The following DOK6 variants were observed in gnomAD, a reference collection of about 807,000 sequenced individuals.
DOK6 encodes the protein downstream of tyrosine kinase 6.
DOK6 carries 22 observed loss-of-function variants against 44.0 expected under a neutral mutation model. The observed-to-expected ratio is 0.50, with a 90% CI of 0.36 to 0.71. The LOEUF is 0.71. Among genes scored for constraint, DOK6 ranks in the 30% least tolerant of loss-of-function variants. The probability of loss-of-function intolerance (pLI) is 0.00; values close to 1 mark genes in which losing one functional copy is unlikely to be tolerated. For synonymous variants in DOK6, 166 were observed against 145.5 expected (o/e 1.14, Z -1.01); for missense variants, 340 against 416.4 (o/e 0.82, Z 1.60).
chr18:69,565,425 C>T (rs1982945632), intron 2 of DOK6, among the ~76,000 whole-genome samples: 1 of 151,124 alleles, frequency 6.6e-6, no homozygotes, highest in East Asian at 1.9e-4. Context: ...AACTAGTAAT[C>T]ATTTAAAATT....
chr18:69,840,898 T>A (rs1228240239), intron 7 of DOK6, among the ~76,000 whole-genome samples: 2 of 152,216 alleles, frequency 1.3e-5, no homozygotes, highest in African/African-American at 4.8e-5. Context: ...AACAGCTTTT[T>A]CTGGGGAAAA....
chr18:69,508,666 G>A (rs941700829), intron 1 of DOK6, among the ~76,000 whole-genome samples: 1 of 152,178 alleles, frequency 6.6e-6, no homozygotes, highest in Non-Finnish European at 1.5e-5. Flanking sequence ...ATTAAAATTG[G>A]CGTGATGGGT....
chr18:69,601,633 C>T (rs2144623559), intron 3 of DOK6, among the ~76,000 whole-genome samples: 1 of 152,310 alleles, frequency 6.6e-6, no homozygotes, highest in African/African-American at 2.4e-5. Flanking sequence ...GCAAACAAAA[C>T]ATTCTCCCTG....
intron 1 of DOK6, among the ~76,000 whole-genome samples, chr18:69,522,184 A>G (rs900908136): frequency 6.6e-6 from 1 of 151,834 alleles, no homozygotes; most frequent in African/African-American, 2.4e-5. Flanking sequence ...ATTTACTAAC[A>G]GTATATTGTT....
At chr18:69,472,245 C>T (rs1980133509) in intron 1 of DOK6, among the ~76,000 whole-genome samples, 3 of 152,178 alleles carry the variant, frequency 2.0e-5, no homozygotes, top group Non-Finnish European at 4.4e-5. Context: ...GGCCTACTAA[C>T]GTATTCAGGC....
At chr18:69,603,409 T>C (rs1367450549) in intron 3 of DOK6, among the ~76,000 whole-genome samples, 2 of 152,162 alleles carry the variant, frequency 1.3e-5, no homozygotes, top group African/African-American at 4.8e-5. Flanking sequence ...GTAAAACCTA[T>C]ACCAGAATCT....
chr18:69,798,877 A>G (rs765550173), intron 7 of DOK6, among the ~76,000 whole-genome samples: 1 of 152,014 alleles, frequency 6.6e-6, no homozygotes, highest in Non-Finnish European at 1.5e-5. Flanking sequence ...TTCATAGCAG[A>G]GAGGACGGTT....
chr18:69,417,948 G>T (rs982324802), intron 1 of DOK6, among the ~76,000 whole-genome samples: 2 of 152,066 alleles, frequency 1.3e-5, no homozygotes, highest in Non-Finnish European at 2.9e-5. Flanking sequence ...TATGTATCCC[G>T]TTTATTAACC....
chr18:69,775,374 G>A (rs954369952), intron 7 of DOK6, among the ~76,000 whole-genome samples: 4 of 151,898 alleles, frequency 2.6e-5, no homozygotes, highest in African/African-American at 9.7e-5. Flanking sequence ...AACAGTGATG[G>A]TAATAAAGAG....
At chr18:69,730,285 C>G (rs933499081) in intron 5 of DOK6, among the ~76,000 whole-genome samples, 6 of 152,162 alleles carry the variant, frequency 3.9e-5, no homozygotes, top group Non-Finnish European at 5.9e-5. Context: ...TCCTCCCTAT[C>G]TACTTGTATT....
intron 7 of DOK6, among the ~76,000 whole-genome samples, chr18:69,813,570 T>C (rs1981307581): frequency 6.6e-6 from 1 of 152,096 alleles, no homozygotes. Flanking sequence ...GGCATTTTCT[T>C]TAGGTGGAAA....
At chr18:69,483,773 T>G (rs979434717) in intron 1 of DOK6, 3 of 152,124 alleles carry the variant, frequency 2.0e-5, no homozygotes, top group Non-Finnish European at 4.4e-5. Context: ...ATGCAGGCTT[T>G]CCTCATGCTT....
intron 6 of DOK6, among the ~76,000 whole-genome samples, chr18:69,752,248 G>A (rs190928485): frequency 5.1e-4 from 77 of 152,062 alleles, no homozygotes; most frequent in Admixed American, 3.1e-3. Context: ...TTATAAAAAT[G>A]TATTTTTTTA....
intron 5 of DOK6, among the ~76,000 whole-genome samples, chr18:69,703,858 T>C (rs141206592): frequency 2.0e-5 from 3 of 152,304 alleles, no homozygotes; most frequent in Non-Finnish European, 4.4e-5. Flanking sequence ...AGGTCCTTTA[T>C]AGATGGAATT....
intron 7 of DOK6, among the ~76,000 whole-genome samples, chr18:69,765,194 T>C (rs1979680744): frequency 6.6e-6 from 1 of 152,250 alleles, no homozygotes; most frequent in African/African-American, 2.4e-5. Context: ...GATTTTCTAT[T>C]TTGTTTTTCA....
At chr18:69,707,605 T>G (rs1281332058) in intron 5 of DOK6, among the ~76,000 whole-genome samples, 1 of 152,220 alleles carries the variant, frequency 6.6e-6, no homozygotes, top group Admixed American at 6.5e-5. Context: ...CCGTGGTTTA[T>G]GCAACTGGAA....
At chr18:69,459,331 TG>T (rs1445261227) in intron 1 of DOK6, among the ~76,000 whole-genome samples, 1 of 152,038 alleles carries the variant, frequency 6.6e-6, no homozygotes, top group East Asian at 1.9e-4. Flanking sequence ...CATACATTTC[TG>T]TTAATATTAT....
intron 3 of DOK6, among the ~76,000 whole-genome samples, chr18:69,649,849 A>G (rs1985177165): frequency 6.6e-6 from 1 of 152,218 alleles, no homozygotes; most frequent in Admixed American, 6.5e-5. Context: ...ATAAGATTGC[A>G]TAATTATTGA....
At chr18:69,436,863 G>T (rs1978995177) in intron 1 of DOK6, among the ~76,000 whole-genome samples, 2 of 152,186 alleles carry the variant, frequency 1.3e-5, no homozygotes, top group African/African-American at 4.8e-5. Context: ...TAACTATTGT[G>T]AAATGGTATC....
Sources: gnomAD v4.1 joint callset for allele counts (sites outside exome capture counted in the v4.1 genomes callset) on GRCh38, gnomAD v4.1.1 for gene constraint, MANE v1.5 for transcripts, NCBI Gene and HGNC (gene_info 2026-07-23, HGNC 2026-07-21) for gene names.